Variants in GLT6D1 observed in about 807,000 individuals in gnomAD.
The protein encoded by GLT6D1 is putative glycosyltransferase 6 domain-containing protein 1.
A neutral mutation model predicts 12.3 loss-of-function variants in GLT6D1; 9 were observed. The observed-to-expected ratio is 0.73, with a 90% confidence interval of 0.44 to 1.27. GLT6D1 has a LOEUF of 1.27. Ranked by LOEUF, GLT6D1 falls within the 50% of genes most tolerant of loss-of-function variation. GLT6D1 has a pLI of 0.00. For synonymous variants in GLT6D1, 128 were observed against 132.3 expected (o/e 0.97, Z 0.23); for missense variants, 335 against 346.2 (o/e 0.97, Z 0.26).
chr9:135,640,390 G>A (rs997014313), upstream of GLT6D1, among the ~76,000 whole-genome samples: 3 of 152,186 alleles, frequency 2.0e-5, no homozygotes, highest in Non-Finnish European at 1.5e-5. Context: ...TCTTCTTACT[G>A]TTTGTAATGT....
In GLT6D1 at chr9:135,624,133, G is replaced by A; in HGVS notation, c.795C>T (p.His265=). ...KNGLNSTYEK[H]LNKYFYLNKP... ...TATTGAGGTAAAAATATTTGTTAAG[G>A]TGCTTTTCATAAGTGCTATTGAGTC... Residue 265 remains histidine, a synonymous_variant, in exon 5 of 5, where the codon CAC becomes CAT. Coordinates refer to ENST00000371763, the MANE Select transcript of GLT6D1 (RefSeq NM_182974.3). The A allele has an allele frequency of 6.2e-7, 1 of 1,613,200 alleles. No individual in the cohort carries two copies. Among genetic ancestry groups the A allele is most frequent in the Non-Finnish European group, 8.5e-7 (1 of 1,179,562 alleles).
chr9:135,639,804 T>C (rs1474850885), upstream of GLT6D1, among the ~76,000 whole-genome samples: 1 of 151,636 alleles, frequency 6.6e-6, no homozygotes, highest in African/African-American at 2.4e-5. Flanking sequence ...GCGCTGTGTG[T>C]CCACACAAAA....
intron 2 of GLT6D1, among the ~76,000 whole-genome samples, chr9:135,632,463 G>A (rs987507115): frequency 2.0e-5 from 3 of 152,082 alleles, no homozygotes; most frequent in Non-Finnish European, 1.5e-5. Flanking sequence ...TTCCCCAGGC[G>A]TAGATTCATC....
chr9:135,640,170 GTGTGAAATGCAGCTGC>G (rs1345301836), upstream of GLT6D1, among the ~76,000 whole-genome samples: 3 of 152,152 alleles, frequency 2.0e-5, no homozygotes, highest in Non-Finnish European at 4.4e-5. Flanking sequence ...GGTCCCGAGT[GTGTGAAATGCAGCTGC>G]TGTGAAATGA....
At chr9:135,640,137 T>C (rs931969803), upstream of GLT6D1, among the ~76,000 whole-genome samples, 3 of 152,152 alleles carry the variant, frequency 2.0e-5, no homozygotes, top group East Asian at 1.9e-4. Flanking sequence ...CTGATAGCCA[T>C]AGAGTAGCCA....
At chr9:135,631,731 T>C (rs2119142010) in intron 2 of GLT6D1, among the ~76,000 whole-genome samples, 1 of 152,186 alleles carries the variant, frequency 6.6e-6, no homozygotes. Flanking sequence ...GGGAGGAAGA[T>C]TTTTTTAATA....
At chr9:135,634,267 T>C (rs1410863396) in intron 2 of GLT6D1, among the ~76,000 whole-genome samples, 1 of 152,046 alleles carries the variant, frequency 6.6e-6, no homozygotes, top group Non-Finnish European at 1.5e-5. Flanking sequence ...TAGCTGAGAT[T>C]ACAGGTGCCC....
rs78845258 is a variant in GLT6D1 at position 135,627,324 on chromosome 9, A to T, written c.120-1118T>A. On this transcript the variant is annotated intron_variant, in intron 3 of 4. Coordinates refer to ENST00000371763, the MANE Select transcript of GLT6D1 (RefSeq NM_182974.3). ...GATCAGCACATTAAAAATTAATCTCATTACTATGAACAATGAACATGCAGA... is the reference window on the plus strand; with the variant it reads ...GATCAGCACATTAAAAATTAATCTCTTTACTATGAACAATGAACATGCAGA... Among the ~76,000 whole-genome samples the T allele has an allele frequency of 9.4e-3, 1,431 of 152,298 alleles. 59 individuals are homozygous for T. The highest frequency in any genetic ancestry group is 0.082 in the East Asian group (424 of 5,174).
chr9:135,639,423 C>A lies in GLT6D1; in HGVS notation c.-137G>T. ...CAGCTGCACGTGCACTGTCTCTCCC[C>A]GTGTTCACATCAAAGTCTGCGTTGA... is the stretch of plus-strand genomic sequence containing the variant. On this transcript the variant is annotated 5_prime_UTR_variant, in exon 1 of 5. Transcript: ENST00000371763. 5.1e-6 allele frequency: 2 copies of A among 388,450 alleles called. No homozygotes were observed. Among genetic ancestry groups the A allele is most frequent in the South Asian group, 4.2e-5 (1 of 23,722 alleles). 24.1% of individuals were successfully genotyped at this position (388,450 alleles called of 1,614,324 possible).
At chr9:135,630,943 T>C (rs1385433584) in intron 3 of GLT6D1, among the ~76,000 whole-genome samples, 1 of 151,098 alleles carries the variant, frequency 6.6e-6, no homozygotes, top group Non-Finnish European at 1.5e-5. Context: ...AACTTCATTT[T>C]AGAAATGTGT....
intron 1 of GLT6D1, 23 bp from the exon 2 acceptor site, chr9:135,639,216 T>C (rs751017986): frequency 1.5e-6 from 2 of 1,337,066 alleles, no homozygotes; most frequent in East Asian, 4.6e-5. Flanking sequence ...GGAGAAAAAA[T>C]TAGATTTTAA....
Position 135,624,495 on chromosome 9 carries a change from C to G in GLT6D1, c.433G>C (p.Asp145His), listed in dbSNP as rs773994857. ...FKVGTERWWL[D>H]GPLVHVKSLG... ...CTCTTCACATGCACCAGGGGGCCATCGAGCCACCACCTCTCGGTGCCCACT... is the reference window on the plus strand; with the variant it reads ...CTCTTCACATGCACCAGGGGGCCATGGAGCCACCACCTCTCGGTGCCCACT... The change falls in exon 5 of 5, where the codon GAT becomes CAT. Residue 145 changes from aspartate to histidine, a missense_variant. By Grantham distance (81) the Asp-to-His change is moderately conservative. Transcript: ENST00000371763. 5 of 1,608,036 alleles carry G rather than the reference C, an allele frequency of 3.1e-6. No homozygotes were observed. The South Asian group carries it at 5.5e-5, about 18-fold the overall frequency.
At chr9:135,627,569 G>A (rs1833550394) in intron 3 of GLT6D1, among the ~76,000 whole-genome samples, 1 of 152,118 alleles carries the variant, frequency 6.6e-6, no homozygotes, top group Admixed American at 6.5e-5. Context: ...ATGTTCATTA[G>A]TTGATGAACA....
rs112763409 is a variant in GLT6D1 at position 135,637,185 on chromosome 9, G to A, written c.71+1932C>T. Among the ~76,000 whole-genome samples, 408 of 151,500 alleles carry A rather than the reference G, an allele frequency of 2.7e-3. 2 individuals are homozygous for A. The highest frequency in any genetic ancestry group is 8.6e-3 in the African/African-American group (356 of 41,208). On this transcript the variant is annotated intron_variant, in intron 2 of 4. Coordinates refer to ENST00000371763, the MANE Select transcript of GLT6D1 (RefSeq NM_182974.3). ...TCTTTTTACTGTTGGGTGTTATTCC[G>A]TTGCACAGATGAGCCACAGCATGTT...
At chr9:135,634,516 T>C (rs1833726170) in intron 2 of GLT6D1, among the ~76,000 whole-genome samples, 1 of 147,724 alleles carries the variant, frequency 6.8e-6, no homozygotes, top group South Asian at 2.2e-4. Flanking sequence ...ATCAACTTTA[T>C]TTTTAGAGAA....
At chr9:135,634,187 G>T (rs1377537169) in intron 2 of GLT6D1, among the ~76,000 whole-genome samples, 1 of 152,104 alleles carries the variant, frequency 6.6e-6, no homozygotes, top group South Asian at 2.1e-4. Context: ...GGAGTGCAGT[G>T]GTGCGATTTC....
chr9:135,632,868 A>G (rs75011061), intron 2 of GLT6D1, among the ~76,000 whole-genome samples: 5,663 of 152,194 alleles, frequency 0.037, 186 homozygotes, highest in East Asian at 0.17. Context: ...TGGTTTCACA[A>G]TGTTGGCCAG....
In GLT6D1 at chr9:135,624,053, G is replaced by T; in HGVS notation, c.*44C>A. On this transcript the variant is annotated 3_prime_UTR_variant, in exon 5 of 5. Coordinates refer to ENST00000371763, the MANE Select transcript of GLT6D1 (RefSeq NM_182974.3). ...GACCTTGACGTATTGGATCTGTGGA[G>T]GAGGAGAAAATGCAAGATCCCAGCT... 8.2e-7 allele frequency: 1 copy of T among 1,224,620 alleles called. No individual in the cohort carries two copies. Among genetic ancestry groups the T allele is most frequent in the Non-Finnish European group, 1.2e-6 (1 of 843,530 alleles). 75.9% of individuals were successfully genotyped at this position (1,224,620 alleles called of 1,614,324 possible). A position where few individuals can be genotyped will look rare whatever the true frequency, so the allele number is the denominator to read the frequency against.
Position 135,624,481 on chromosome 9 carries a change from C to A in GLT6D1, c.447G>T (p.Val149=). 1 of 1,611,620 alleles carries A rather than the reference C, an allele frequency of 6.2e-7. No individual in the cohort carries two copies. Among genetic ancestry groups the A allele is most frequent in the Non-Finnish European group, 8.5e-7 (1 of 1,178,956 alleles). The change falls in exon 5 of 5, where the codon GTG becomes GTT. Residue 149 remains valine (V), a synonymous_variant. Coordinates refer to ENST00000371763, the MANE Select transcript of GLT6D1 (RefSeq NM_182974.3). Reference sequence around the variant, plus strand: ...TGTGTTCACCCAGGCTCTTCACATGCACCAGGGGGCCATCGAGCCACCACC... The same window carrying A: ...TGTGTTCACCCAGGCTCTTCACATGAACCAGGGGGCCATCGAGCCACCACC... ...TERWWLDGPL[V]HVKSLGEHIA...
Sources: allele counts gnomAD v4.1 joint callset (sites outside exome capture counted in the v4.1 genomes callset), GRCh38; gene constraint gnomAD v4.1.1; transcripts MANE v1.5; gene names NCBI Gene and HGNC (gene_info 2026-07-23, HGNC 2026-07-21).